The following COL11A1 variants were observed in gnomAD, a reference collection of about 807,000 sequenced individuals.
The protein encoded by COL11A1 is collagen type XI alpha 1 chain.
In COL11A1, 74 loss-of-function variants were observed where a neutral mutation model predicts 265.2. The observed-to-expected ratio is 0.28, with a 90% confidence interval of 0.23 to 0.34. The LOEUF is 0.34. Among genes scored for constraint, COL11A1 ranks in the 10% least tolerant of loss-of-function variants. The pLI, the probability that COL11A1 is intolerant of heterozygous loss-of-function variation, is 1.00. For synonymous variants in COL11A1, 816 were observed against 727.6 expected (o/e 1.12, Z -1.96); for missense variants, 2,165 against 2,263.6 (o/e 0.96, Z 0.88).
In COL11A1 at chr1:103,006,129, T is replaced by C; in HGVS notation, c.1738-8A>G. ...ATCTGCACCTGGACGACCCTAATAA[T>C]GCCAACAGCATGATTAAGCGAAGTG... On this transcript the variant is annotated splice_region_variant and splice_polypyrimidine_tract_variant and intron_variant, in intron 16 of 66. Coordinates refer to ENST00000370096, the MANE Select transcript of COL11A1 (RefSeq NM_001854.4). 5.6e-6 allele frequency: 9 copies of C among 1,612,318 alleles called. No individual in the cohort carries two copies. Among genetic ancestry groups the C allele is most frequent in the Non-Finnish European group, 7.6e-6 (9 of 1,179,222 alleles).
At chr1:102,928,828 C>G (rs900637798) in intron 46 of COL11A1, among the ~76,000 whole-genome samples, 2 of 139,706 alleles carry the variant, frequency 1.4e-5, no homozygotes, top group African/African-American at 5.2e-5. Flanking sequence ...TTTTGATTTG[C>G]ATTTCTCTGA....
intron 58 of COL11A1, among the ~76,000 whole-genome samples, chr1:102,889,870 C>A (rs2100860392): frequency 6.6e-6 from 1 of 151,868 alleles, no homozygotes; most frequent in Middle Eastern, 3.5e-3. Context: ...ATAATGATCT[C>A]CTATAATATA....
chr1:102,916,167 C>T (rs189544889), intron 49 of COL11A1, among the ~76,000 whole-genome samples: 31 of 152,180 alleles, frequency 2.0e-4, no homozygotes, highest in Admixed American at 1.8e-3. Context: ...ATCTAAAGAA[C>T]TTAGAGGAAA....
intron 28 of COL11A1, 71 bp from the exon 29 acceptor site, chr1:102,989,642 A>C: frequency 9.3e-7 from 1 of 1,079,916 alleles, no homozygotes; most frequent in Non-Finnish European, 1.4e-6. Flanking sequence ...TATTGCTATA[A>C]AAATTTATGT....
chr1:103,108,307 G>A lies in COL11A1; in HGVS notation c.-129C>T, dbSNP rs1674876981. The stretch of plus-strand genomic sequence containing the variant: ...CATTGGGGAGGGAGAGGGGGAAAAA[G>A]TCAAAGGGCTTTTTCTTCTAAATTT... On this transcript the variant is annotated 5_prime_UTR_variant, in exon 1 of 67. Transcript: ENST00000370096. 1.4e-6 allele frequency: 1 copy of A among 735,322 alleles called. No homozygotes were observed. Among genetic ancestry groups the A allele is most frequent in the African/African-American group, 1.7e-5 (1 of 57,436 alleles). 45.5% of individuals were successfully genotyped at this position (735,322 alleles called of 1,614,324 possible).
At chr1:103,003,169 A>C (rs1467005885) in intron 21 of COL11A1, 46 bp downstream of exon 21, 2 of 1,604,280 alleles carry the variant, frequency 1.2e-6, no homozygotes, top group Middle Eastern at 1.7e-4. Flanking sequence ...AAAGGTTGGC[A>C]ACAAGCTTTC....
intron 4 of COL11A1, among the ~76,000 whole-genome samples, chr1:103,046,732 G>T (rs1669302982): frequency 6.6e-6 from 1 of 151,122 alleles, no homozygotes; most frequent in Admixed American, 6.6e-5. Context: ...GGTTTTTATG[G>T]TTTTAGGTCT....
At chr1:103,064,884 A>G (rs1475582476) in intron 4 of COL11A1, among the ~76,000 whole-genome samples, 1 of 151,876 alleles carries the variant, frequency 6.6e-6, no homozygotes, top group Non-Finnish European at 1.5e-5. Context: ...GGAGAGAAGG[A>G]TGAATAGGTA....
chr1:102,897,338 C>T (rs1020210097), intron 57 of COL11A1, among the ~76,000 whole-genome samples: 1 of 151,586 alleles, frequency 6.6e-6, no homozygotes, highest in African/African-American at 2.4e-5. Context: ...TAATACTCAC[C>T]ACACATACGA....
intron 4 of COL11A1, among the ~76,000 whole-genome samples, chr1:103,054,362 T>C (rs1670058041): frequency 6.6e-6 from 1 of 152,180 alleles, no homozygotes; most frequent in Non-Finnish European, 1.5e-5. Context: ...CTTGCTTTTC[T>C]CTTTTGCTGA....
At position 102,933,411 on chromosome 1, in the gene COL11A1, AG is replaced by A. The variant is rs1172978152; in HGVS notation, c.3600+1037del. ...CTCCCAGTTAGGCTGCTCGGGGGTC[AG>A]GGGTCAGGGACCCACTTGAGGAGGC... On this transcript the variant is annotated intron_variant, in intron 46 of 66. Transcript: ENST00000370096. Among the ~76,000 whole-genome samples the A allele has an allele frequency of 3.3e-5, 5 of 149,938 alleles. No homozygotes were observed. The East Asian group carries it at 6.0e-4, about 18-fold the overall frequency.
chr1:102,878,398 A>C (rs1649773869), intron 66 of COL11A1, among the ~76,000 whole-genome samples: 1 of 145,526 alleles, frequency 6.9e-6, no homozygotes. Context: ...AGTGCTATAT[A>C]TTTTGTAATT....
chr1:102,954,104 A>G (rs1660144570), intron 41 of COL11A1, among the ~76,000 whole-genome samples: 1 of 152,176 alleles, frequency 6.6e-6, no homozygotes, highest in African/African-American at 2.4e-5. Context: ...TTGAACTGAA[A>G]AGTGAACATT....
chr1:102,905,880 G>T (rs1285158571), intron 54 of COL11A1, among the ~76,000 whole-genome samples: 1 of 151,844 alleles, frequency 6.6e-6, no homozygotes, highest in Non-Finnish European at 1.5e-5. Context: ...TTCAGTATTG[G>T]TCACTGCTGA....
intron 10 of COL11A1, among the ~76,000 whole-genome samples, chr1:103,018,344 G>A (rs1666729404): frequency 6.6e-6 from 1 of 152,014 alleles, no homozygotes; most frequent in African/African-American, 2.4e-5. Context: ...AAAGACAGAG[G>A]ATTTATTACA....
chr1:102,921,384 G>A (rs1244740874), intron 48 of COL11A1, 134 bp downstream of exon 48: 1 of 648,452 alleles, frequency 1.5e-6, no homozygotes, highest in Non-Finnish European at 2.7e-6. Flanking sequence ...GAGTGAATAG[G>A]TGACCCTTGA....
At chr1:102,954,715 G>A (rs1309216562) in intron 41 of COL11A1, among the ~76,000 whole-genome samples, 1 of 151,968 alleles carries the variant, frequency 6.6e-6, no homozygotes, top group African/African-American at 2.4e-5. Context: ...TTGGTGGTGG[G>A]TGCCTGCAAT....
Position 102,879,707 on chromosome 1 carries a change from G to A in COL11A1, c.5250C>T (p.Ile1750=). 2.5e-6 allele frequency: 4 copies of A among 1,613,740 alleles called. No individual in the cohort carries two copies. In the South Asian group the frequency reaches 3.3e-5, roughly 13 times the overall value. ...EEMSYDNNPF[I]KTLYDGCASR... ...CCGCACAACCATCATACAGTGTTTT[G>A]ATAAAAGGATTATTGTCATAGGACA... Residue 1750 remains isoleucine (I), a synonymous_variant, in exon 66 of 67, where the codon ATC becomes ATT. Transcript: ENST00000370096.
At chr1:102,929,536 G>C (rs1192860038) in intron 46 of COL11A1, among the ~76,000 whole-genome samples, 3 of 152,102 alleles carry the variant, frequency 2.0e-5, no homozygotes, top group Admixed American at 2.0e-4. Context: ...AATGCCTCCA[G>C]CTTTGTTTTT....
Sources: gnomAD v4.1 joint callset for allele counts (sites outside exome capture counted in the v4.1 genomes callset) on GRCh38, gnomAD v4.1.1 for gene constraint, MANE v1.5 for transcripts, NCBI Gene and HGNC (gene_info 2026-07-23, HGNC 2026-07-21) for gene names.